LPP: variants seen among roughly 807,000 people sequenced by gnomAD.
LPP encodes LIM domain containing preferred translocation partner in lipoma, also known as lipoma-preferred partner.
Under a neutral mutation model 60.4 loss-of-function variants are expected in LPP, and 38 were observed. That is an observed-to-expected ratio of 0.63 (90% CI 0.49 to 0.83). The LOEUF (loss-of-function observed/expected upper bound fraction) is 0.83, where lower values mean the gene tolerates loss of function less well. Ranked by LOEUF, LPP falls within the 40% of genes least tolerant of loss-of-function variation. The pLI is 0.00. For missense variants in LPP, 902 were observed against 783.6 expected (o/e 1.15, Z -1.80); for synonymous variants, 328 against 290.8 (o/e 1.13, Z -1.30).
At chr3:188,798,344 G>A (rs1053563062) in intron 9 of LPP, among the ~76,000 whole-genome samples, 3 of 152,098 alleles carry the variant, frequency 2.0e-5, no homozygotes, top group Non-Finnish European at 4.4e-5. Context: ...TTCCTTTCTT[G>A]ATACTTTCTC....
intron 5 of LPP, among the ~76,000 whole-genome samples, chr3:188,499,675 T>C (rs578102911): frequency 6.6e-6 from 1 of 152,282 alleles, no homozygotes; most frequent in Non-Finnish European, 1.5e-5. Context: ...CGGGACCGCA[T>C]TAAGTCTGGA....
chr3:188,339,100 T>C (rs550520091), intron 2 of LPP, among the ~76,000 whole-genome samples: 6 of 152,304 alleles, frequency 3.9e-5, no homozygotes, highest in Non-Finnish European at 7.4e-5. Context: ...AGCATATTTT[T>C]GAGGGGAGAG....
chr3:188,736,744 A>G (rs1722658380), intron 8 of LPP, among the ~76,000 whole-genome samples: 1 of 151,982 alleles, frequency 6.6e-6, no homozygotes, highest in South Asian at 2.1e-4. Context: ...AGATACATAG[A>G]CATCTATAGA....
intron 7 of LPP, among the ~76,000 whole-genome samples, chr3:188,663,511 C>T (rs537418843): frequency 6.6e-6 from 1 of 152,168 alleles, no homozygotes; most frequent in Non-Finnish European, 1.5e-5. Context: ...TTGAGTGTCA[C>T]GTACATCGCT....
Position 188,684,372 on chromosome 3 carries a change from G to A in LPP, c.1114-23895G>A, listed in dbSNP as rs1273645976. Among the ~76,000 whole-genome samples the A allele has an allele frequency of 2.0e-5, 3 of 152,150 alleles. No homozygotes were observed. In the East Asian group the frequency reaches 5.8e-4, roughly 29 times the overall value. On this transcript the variant is annotated intron_variant, in intron 7 of 11. Coordinates refer to ENST00000617246, the MANE Select transcript of LPP (RefSeq NM_001375462.1). ...ATAAAAAACTGGCAGAGAAAAAGAA[G>A]AAAGTACACCTTTTTACATTATGAA...
chr3:188,640,550 GAAA>G (rs59702077), intron 7 of LPP, among the ~76,000 whole-genome samples: 4 of 137,156 alleles, frequency 2.9e-5, no homozygotes, highest in Non-Finnish European at 3.2e-5. Flanking sequence ...AGTTTGGGAC[GAAA>G]AAAAAAAAAG....
At position 188,878,859 on chromosome 3, in the gene LPP, T is replaced by C. The variant is rs1351061635; in HGVS notation, c.*4380T>C. The C allele has an allele frequency of 4.6e-6, 1 of 216,796 alleles. No homozygotes were observed. Among genetic ancestry groups the C allele is most frequent in the Non-Finnish European group, 9.3e-6 (1 of 107,798 alleles). The allele number at this position is 216,796 out of a possible 1,614,324, so 13.4% of individuals were successfully genotyped here. A position where few individuals can be genotyped will look rare whatever the true frequency, so the allele number is the denominator to read the frequency against. On this transcript the variant is annotated 3_prime_UTR_variant, in exon 12 of 12. Coordinates refer to ENST00000617246, the MANE Select transcript of LPP (RefSeq NM_001375462.1). ...ATTTATTTTTTCCTTGTCTTGGAAG[T>C]ATCTCATAGGTCTTTAAATGAGTAA... is the stretch of plus-strand genomic sequence containing the variant.
intron 6 of LPP, among the ~76,000 whole-genome samples, chr3:188,581,699 G>T (rs1836182266): frequency 6.6e-6 from 1 of 152,066 alleles, no homozygotes; most frequent in Non-Finnish European, 1.5e-5. Flanking sequence ...GTTATACCCT[G>T]GATCTTATCA....
chr3:188,167,155 T>C (rs1039877253), intron 1 of LPP, among the ~76,000 whole-genome samples: 3 of 152,192 alleles, frequency 2.0e-5, no homozygotes, highest in Admixed American at 2.0e-4. Context: ...ATCTTTCACA[T>C]AACATGATTG....
intron 2 of LPP, among the ~76,000 whole-genome samples, chr3:188,234,730 T>A (rs1721278766): frequency 6.6e-6 from 1 of 152,228 alleles, no homozygotes; most frequent in African/African-American, 2.4e-5. Flanking sequence ...ACAAGACTAC[T>A]CAAACTCTGT....
chr3:188,841,393 G>GTTT (rs71169023), intron 9 of LPP, among the ~76,000 whole-genome samples: 8 of 112,868 alleles, frequency 7.1e-5, no homozygotes, highest in Non-Finnish European at 1.4e-4. Flanking sequence ...TTCTGAATTT[G>GTTT]TTTTTTTTTT....
At chr3:188,696,647 T>C (rs1184625428) in intron 7 of LPP, among the ~76,000 whole-genome samples, 3 of 152,162 alleles carry the variant, frequency 2.0e-5, no homozygotes, top group Admixed American at 6.5e-5. Flanking sequence ...AAATAACTAA[T>C]AGGTAGTAAA....
chr3:188,787,421 TAC>T (rs987535434), intron 9 of LPP, among the ~76,000 whole-genome samples: 106 of 151,398 alleles, frequency 7.0e-4, no homozygotes, highest in Non-Finnish European at 6.4e-4. Context: ...CTCTCTCTCT[TAC>T]ACACACACGC....
chr3:188,297,697 C>G (rs1748392082), intron 2 of LPP, among the ~76,000 whole-genome samples: 1 of 152,142 alleles, frequency 6.6e-6, no homozygotes, highest in Non-Finnish European at 1.5e-5. Flanking sequence ...TATCAAAGGA[C>G]ACTGGGGCTA....
chr3:188,347,523 A>C (rs1245155203), intron 3 of LPP, among the ~76,000 whole-genome samples: 1 of 152,122 alleles, frequency 6.6e-6, no homozygotes, highest in Non-Finnish European at 1.5e-5. Context: ...TAGTGCCCTG[A>C]TCATACTGAG....
rs1481983612 is a variant in LPP, at chr3:188,888,615, CT to C, written c.*14138del. On this transcript the variant is annotated 3_prime_UTR_variant, in exon 12 of 12. Coordinates refer to ENST00000617246, the MANE Select transcript of LPP (RefSeq NM_001375462.1). ...TTAACTTTACTTTTAGATTTACTGC[CT>C]TCAAAAAGTGCCTATTCTGAGCAAC... The C allele has an allele frequency of 8.9e-6, 2 of 223,662 alleles. No homozygotes were observed. The highest frequency in any genetic ancestry group is 4.5e-5 in the African/African-American group (2 of 44,788). 13.9% of individuals were successfully genotyped at this position (223,662 alleles called of 1,614,324 possible).
In LPP at chr3:188,887,560, C is replaced by G. The variant is rs1249605193; in HGVS notation, c.*13081C>G. 4.6e-6 allele frequency: 1 copy of G among 215,716 alleles called. No individual in the cohort carries two copies. Among genetic ancestry groups the G allele is most frequent in the Admixed American group, 5.8e-5 (1 of 17,138 alleles). 13.4% of individuals were successfully genotyped at this position (215,716 alleles called of 1,614,324 possible). On this transcript the variant is annotated 3_prime_UTR_variant, in exon 12 of 12. Coordinates refer to ENST00000617246, the MANE Select transcript of LPP (RefSeq NM_001375462.1). Reference sequence around the variant, plus strand: ...GGGCAGAGTTTGCATTTTACTAATCCTATATACTTTGAGCTTAGTTTTTAG... The same window carrying G: ...GGGCAGAGTTTGCATTTTACTAATCGTATATACTTTGAGCTTAGTTTTTAG...
chr3:188,591,140 T>G (rs975816013), intron 6 of LPP, among the ~76,000 whole-genome samples: 2 of 152,226 alleles, frequency 1.3e-5, no homozygotes, highest in Non-Finnish European at 2.9e-5. Flanking sequence ...AAAAATTATT[T>G]AGGTCACTTG....
chr3:188,499,067 G>A (rs1382609744), intron 5 of LPP, among the ~76,000 whole-genome samples: 1 of 151,982 alleles, frequency 6.6e-6, no homozygotes, highest in Non-Finnish European at 1.5e-5. Flanking sequence ...TATCAGGTAT[G>A]ATTTGATAAT....
Sources: allele counts gnomAD v4.1 joint callset (sites outside exome capture counted in the v4.1 genomes callset), GRCh38; gene constraint gnomAD v4.1.1; transcripts MANE v1.5; gene names NCBI Gene and HGNC (gene_info 2026-07-23, HGNC 2026-07-21).